The following MED27 variants were observed in gnomAD, a reference collection of about 807,000 sequenced individuals.
MED27 encodes the protein mediator of RNA polymerase II transcription subunit 27.
MED27 carries 30 observed loss-of-function variants against 38.2 expected under a neutral mutation model. The observed-to-expected ratio is 0.79, with a 90% CI of 0.59 to 1.07. MED27 has a LOEUF of 1.07. MED27 is among the 50% of genes least tolerant of loss of function. MED27 has a pLI of 0.00. For synonymous variants in MED27, 122 were observed against 153.5 expected (o/e 0.79, Z 1.52); for missense variants, 289 against 397.5 (o/e 0.73, Z 2.32).
At chr9:132,039,509 C>T (rs576080840) in intron 2 of MED27, among the ~76,000 whole-genome samples, 1 of 152,332 alleles carries the variant, frequency 6.6e-6, no homozygotes, top group African/African-American at 2.4e-5. Context: ...AACAGTGCAG[C>T]TCCAGTACTG....
chr9:131,968,471 CAAAAAAAA>C (rs10556528), intron 3 of MED27, among the ~76,000 whole-genome samples: 3 of 98,422 alleles, frequency 3.0e-5, no homozygotes, highest in African/African-American at 8.1e-5. Context: ...GACCCTGTCT[CAAAAAAAA>C]AAAAAAAAAA....
At chr9:131,912,426 C>T (rs1830208307) in intron 4 of MED27, among the ~76,000 whole-genome samples, 1 of 152,176 alleles carries the variant, frequency 6.6e-6, no homozygotes, top group South Asian at 2.1e-4. Flanking sequence ...CGCTATTCAA[C>T]CAGGCACTGG....
At chr9:131,897,022 G>A (rs538362531) in intron 4 of MED27, among the ~76,000 whole-genome samples, 2 of 152,350 alleles carry the variant, frequency 1.3e-5, no homozygotes, top group South Asian at 2.1e-4. Flanking sequence ...AAGCCACCAC[G>A]CCCAGTCATG....
At chr9:131,863,247 G>A (rs1387341875) in intron 6 of MED27, 107 bp from the exon 7 acceptor site, 14 of 847,372 alleles carry the variant, frequency 1.7e-5, no homozygotes, top group African/African-American at 1.2e-4. Flanking sequence ...TGAGTATCTC[G>A]TGGAGGAAAG....
chr9:132,056,278 T>C (rs757173050), intron 2 of MED27, among the ~76,000 whole-genome samples: 1 of 152,190 alleles, frequency 6.6e-6, no homozygotes, highest in Non-Finnish European at 1.5e-5. Context: ...AGATTAATCC[T>C]CTTTCTAAAT....
chr9:131,933,874 A>C (rs1025343996), intron 4 of MED27, among the ~76,000 whole-genome samples: 1 of 152,196 alleles, frequency 6.6e-6, no homozygotes, highest in Non-Finnish European at 1.5e-5. Flanking sequence ...CCTGACTTCA[A>C]ATTATATTGC....
intron 2 of MED27, among the ~76,000 whole-genome samples, chr9:132,036,133 G>A (rs925428606): frequency 6.6e-6 from 1 of 152,124 alleles, no homozygotes; most frequent in African/African-American, 2.4e-5. Flanking sequence ...TTATTAAGTA[G>A]GAACATCTCT....
chr9:131,864,562 C>A (rs1187662407), intron 6 of MED27, among the ~76,000 whole-genome samples: 1 of 152,230 alleles, frequency 6.6e-6, no homozygotes, highest in East Asian at 1.9e-4. Context: ...GAAGAATGAA[C>A]ATAGGTCTAA....
intron 3 of MED27, among the ~76,000 whole-genome samples, chr9:131,964,522 C>A (rs1423299438): frequency 6.6e-6 from 1 of 151,806 alleles, no homozygotes; most frequent in Non-Finnish European, 1.5e-5. Context: ...AAATTTCAGC[C>A]ACTAAGACAA....
At chr9:131,915,959 G>C (rs1369574417) in intron 4 of MED27, among the ~76,000 whole-genome samples, 1 of 152,168 alleles carries the variant, frequency 6.6e-6, no homozygotes, top group Non-Finnish European at 1.5e-5. Flanking sequence ...TACTATTCCT[G>C]TAACTACATG....
At chr9:132,031,880 T>G (rs958986408) in intron 2 of MED27, 1 of 152,222 alleles carries the variant, frequency 6.6e-6, no homozygotes, top group African/African-American at 2.4e-5. Context: ...ACCTGGTGAC[T>G]ATTAGTTTAC....
chr9:131,945,076 A>AAT (rs1298367751), intron 3 of MED27, among the ~76,000 whole-genome samples: 2 of 146,832 alleles, frequency 1.4e-5, no homozygotes, highest in African/African-American at 4.9e-5. Context: ...TTTATATATA[A>AAT]ATATATATAA....
At chr9:131,985,112 G>GT (rs2131032989) in intron 3 of MED27, among the ~76,000 whole-genome samples, 1 of 152,190 alleles carries the variant, frequency 6.6e-6, no homozygotes, top group Non-Finnish European at 1.5e-5. Context: ...TTATGAGACT[G>GT]TTTTGTTTTA....
At chr9:132,037,775 C>A (rs868261275) in intron 2 of MED27, among the ~76,000 whole-genome samples, 21 of 152,224 alleles carry the variant, frequency 1.4e-4, no homozygotes, top group South Asian at 4.1e-4. Context: ...AGGCTTTCAC[C>A]GGGCAGCTGT....
rs112301285 is a variant in MED27, at chr9:131,883,762, C to T, written c.723+296G>A. 0.011 allele frequency among the ~76,000 whole-genome samples: 1,718 copies of T among 152,288 alleles called. 31 individuals carry two copies. Among genetic ancestry groups the T allele is most frequent in the African/African-American group, 0.039 (1,635 of 41,556 alleles). On this transcript the variant is annotated intron_variant, in intron 6 of 7. Transcript: ENST00000292035. This position sits in a 1 kb window ranked among gnomAD's most constrained non-coding sequence, Gnocchi z 4.2. Reference sequence around the variant, plus strand: ...CCTGAGTTTTGACAAACATGTACGGCTGTGTAACACCGCCACAATTAAGAT... The same window carrying T: ...CCTGAGTTTTGACAAACATGTACGGTTGTGTAACACCGCCACAATTAAGAT...
intron 2 of MED27, among the ~76,000 whole-genome samples, chr9:132,065,914 G>GT (rs1311032342): frequency 6.6e-6 from 1 of 152,214 alleles, no homozygotes; most frequent in African/African-American, 2.4e-5. Context: ...AATACTGTTG[G>GT]TCCCCGTTAG....
intron 2 of MED27, among the ~76,000 whole-genome samples, chr9:132,021,475 A>C (rs573728658): frequency 3.3e-5 from 5 of 152,232 alleles, no homozygotes; most frequent in Admixed American, 6.5e-5. Context: ...AAAAAAGGGA[A>C]GATGAGCAGC....
intron 6 of MED27, among the ~76,000 whole-genome samples, chr9:131,879,767 G>A (rs1839003005): frequency 6.6e-6 from 1 of 152,176 alleles, no homozygotes; most frequent in South Asian, 2.1e-4. Flanking sequence ...CAGAGCAGGT[G>A]GAAGATGTCT....
intron 4 of MED27, among the ~76,000 whole-genome samples, chr9:131,899,294 G>T (rs1028069985): frequency 2.8e-4 from 42 of 152,336 alleles, no homozygotes; most frequent in African/African-American, 8.4e-4. Context: ...ACAGGAAGCT[G>T]AGAGGGGGTG....
Sources: gnomAD v4.1 joint callset for allele counts (sites outside exome capture counted in the v4.1 genomes callset) on GRCh38, gnomAD v4.1.1 for gene constraint, Gnocchi (gnomAD v3.1) non-coding constraint, MANE v1.5 for transcripts, NCBI Gene and HGNC (gene_info 2026-07-23, HGNC 2026-07-21) for gene names.